Variants in KITLG observed in about 807,000 individuals in gnomAD.
KITLG encodes the protein KIT ligand.
A neutral mutation model predicts 34.1 loss-of-function variants in KITLG; 13 were observed. That is an observed-to-expected ratio of 0.38 (90% CI 0.25 to 0.61). KITLG has a LOEUF of 0.61. Ranked by LOEUF, KITLG falls within the 20% of genes least tolerant of loss-of-function variation. The pLI is 0.60. For missense variants in KITLG, 292 were observed against 318.9 expected (o/e 0.92, Z 0.64); for synonymous variants, 110 against 104.0 (o/e 1.06, Z -0.35).
At chr12:88,576,070 G>A (rs533974584) in intron 1 of KITLG, among the ~76,000 whole-genome samples, 39 of 152,160 alleles carry the variant, frequency 2.6e-4, no homozygotes, top group African/African-American at 7.5e-4. Context: ...AAAATAAAAT[G>A]AAATAATTCC....
chr12:88,570,345 G>A (rs568326506), intron 1 of KITLG, among the ~76,000 whole-genome samples: 7 of 152,160 alleles, frequency 4.6e-5, no homozygotes, highest in Admixed American at 2.6e-4. Context: ...AGGAAACCCA[G>A]GCTCCCTGAC....
In KITLG at chr12:88,580,412, T is replaced by C; in HGVS notation, c.-134A>G. ...ATTGGGTAGCCCGAGCGCAGCGCCC[T>C]CTCCACTGTCCCTGCTTCCCGCAGC... On this transcript the variant is annotated 5_prime_UTR_variant, in exon 1 of 10. Coordinates refer to ENST00000644744, the MANE Select transcript of KITLG (RefSeq NM_000899.5). 2.9e-6 allele frequency: 3 copies of C among 1,035,672 alleles called. No homozygotes were observed. In the East Asian group the frequency reaches 7.8e-5, roughly 27 times the overall value. The allele number at this position is 1,035,672 out of a possible 1,614,324, so 64.2% of individuals were successfully genotyped here.
At position 88,516,452 on chromosome 12, in the gene KITLG, G is replaced by A. The variant is rs1454847473; in HGVS notation, c.402C>T (p.Leu134=). The change falls in exon 5 of 10, where the codon CTC becomes CTT. Residue 134 remains leucine, a synonymous_variant. Coordinates refer to ENST00000644744, the MANE Select transcript of KITLG (RefSeq NM_000899.5). ...KKSFKSPEPR[L]FTPEEFFRIF... ...TTCTAAAGAATTCTTCAGGAGTAAA[G>A]AGCCTGGGTTCTGGGCTCTTGAATG... 4 of 1,606,720 alleles carry A rather than the reference G, an allele frequency of 2.5e-6. No individual in the cohort carries two copies. The highest frequency in any genetic ancestry group is 2.2e-5 in the South Asian group (2 of 90,172).
intron 9 of KITLG, among the ~76,000 whole-genome samples, chr12:88,500,460 G>A (rs1012749310): frequency 1.3e-5 from 2 of 152,066 alleles, no homozygotes; most frequent in Non-Finnish European, 2.9e-5. Flanking sequence ...TCCTTTTGTA[G>A]GCTATAAACA....
intron 1 of KITLG, among the ~76,000 whole-genome samples, chr12:88,578,002 TTA>T (rs1566039312): frequency 6.6e-6 from 1 of 152,206 alleles, no homozygotes; most frequent in African/African-American, 2.4e-5. Flanking sequence ...CTACTAAATA[TTA>T]ATAGATATTC....
chr12:88,497,049 T>C lies in KITLG; in HGVS notation c.*170A>G, dbSNP rs547001778. 8 of 357,352 alleles carry C rather than the reference T, an allele frequency of 2.2e-5. No individual in the cohort carries two copies. Among genetic ancestry groups the C allele is most frequent in the South Asian group, 1.5e-4 (7 of 46,656 alleles). The allele number at this position is 357,352 out of a possible 1,614,324, so 22.1% of individuals were successfully genotyped here. On this transcript the variant is annotated 3_prime_UTR_variant, in exon 10 of 10. Coordinates refer to ENST00000644744, the MANE Select transcript of KITLG (RefSeq NM_000899.5). The stretch of plus-strand genomic sequence containing the variant: ...GCCAGTTTCACAGTAAAACATTCTG[T>C]TCCAATTTCTGAATCATCCATATAA...
At chr12:88,556,515 C>T (rs937920053) in intron 1 of KITLG, among the ~76,000 whole-genome samples, 3 of 152,016 alleles carry the variant, frequency 2.0e-5, no homozygotes, top group African/African-American at 4.8e-5. Flanking sequence ...GAAATGAACA[C>T]GTTCAACAGG....
At chr12:88,503,001 G>A (rs906068680) in intron 9 of KITLG, among the ~76,000 whole-genome samples, 3 of 152,044 alleles carry the variant, frequency 2.0e-5, no homozygotes, top group Admixed American at 2.0e-4. Context: ...GGGAAATATT[G>A]CTTCGGAAAA....
At chr12:88,516,853 A>C (rs1354670924) in intron 4 of KITLG, among the ~76,000 whole-genome samples, 1 of 151,410 alleles carries the variant, frequency 6.6e-6, no homozygotes, top group East Asian at 1.9e-4. Flanking sequence ...AAAAAAAAAA[A>C]AAACCACACC....
intron 3 of KITLG, among the ~76,000 whole-genome samples, chr12:88,527,601 C>T (rs927633392): frequency 2.0e-5 from 3 of 152,200 alleles, no homozygotes; most frequent in Non-Finnish European, 2.9e-5. Context: ...GATGCTAAAT[C>T]TGTGGGAGAA....
chr12:88,552,751 C>A (rs1158658750), intron 1 of KITLG, among the ~76,000 whole-genome samples: 7 of 149,702 alleles, frequency 4.7e-5, no homozygotes, highest in East Asian at 2.0e-4. Flanking sequence ...TTTCCAAGGG[C>A]AAGAAGAAAT....
chr12:88,526,555 A>T (rs1447077933), intron 3 of KITLG, among the ~76,000 whole-genome samples: 1 of 152,188 alleles, frequency 6.6e-6, no homozygotes, highest in Non-Finnish European at 1.5e-5. Flanking sequence ...GCAGAGCAAA[A>T]AGAATATAGT....
intron 6 of KITLG, among the ~76,000 whole-genome samples, chr12:88,507,895 C>T (rs1053408992): frequency 6.6e-6 from 1 of 151,948 alleles, no homozygotes; most frequent in Non-Finnish European, 1.5e-5. Flanking sequence ...CAAAATGATT[C>T]ATGAATTTAG....
chr12:88,525,101 G>A (rs1213614724), intron 3 of KITLG, among the ~76,000 whole-genome samples: 2 of 152,156 alleles, frequency 1.3e-5, no homozygotes, highest in Non-Finnish European at 2.9e-5. Flanking sequence ...ATTGAAATAT[G>A]TAAACCTGGC....
intron 1 of KITLG, among the ~76,000 whole-genome samples, chr12:88,553,580 T>A (rs939391558): frequency 6.6e-6 from 1 of 152,232 alleles, no homozygotes; most frequent in African/African-American, 2.4e-5. Flanking sequence ...TTTCATTGTA[T>A]AGACACATAT....
chr12:88,497,216 T>C, intron 9 of KITLG, 35 bp from the exon 10 acceptor site: 1 of 405,658 alleles, frequency 2.5e-6, no homozygotes, highest in South Asian at 1.8e-5. Context: ...GATTATGGTG[T>C]ATCTGCCTTC....
chr12:88,508,556 C>T (rs1191107555), intron 6 of KITLG, among the ~76,000 whole-genome samples: 2 of 147,604 alleles, frequency 1.4e-5, no homozygotes, highest in South Asian at 4.3e-4. Flanking sequence ...TGTGTGCTCA[C>T]GTGTGTGTGT....
intron 2 of KITLG, among the ~76,000 whole-genome samples, chr12:88,540,488 A>G (rs1482326024): frequency 1.3e-5 from 2 of 152,128 alleles, no homozygotes; most frequent in Non-Finnish European, 2.9e-5. Context: ...CTGTGTACTC[A>G]TAACTATTGT....
At chr12:88,535,859 T>C (rs1870297668) in intron 2 of KITLG, among the ~76,000 whole-genome samples, 1 of 152,122 alleles carries the variant, frequency 6.6e-6, no homozygotes, top group South Asian at 2.1e-4. Context: ...TGCAGAAGAA[T>C]GGAACTAGAC....
Sources: gnomAD v4.1 joint callset for allele counts (sites outside exome capture counted in the v4.1 genomes callset) on GRCh38, gnomAD v4.1.1 for gene constraint, MANE v1.5 for transcripts, NCBI Gene and HGNC (gene_info 2026-07-23, HGNC 2026-07-21) for gene names.